Variants in ERCC8 observed in about 807,000 individuals in gnomAD.
ERCC8 encodes ERCC excision repair 8, CSA ubiquitin ligase complex subunit, also known as DNA excision repair protein ERCC-8.
In ERCC8, 52 loss-of-function variants were observed where a neutral mutation model predicts 54.9. That is an observed-to-expected ratio of 0.95 (90% CI 0.76 to 1.19). ERCC8 has a LOEUF of 1.19. ERCC8 is among the 50% of genes most tolerant of loss of function. The pLI is 0.00. For missense variants in ERCC8, 514 were observed against 466.1 expected, an observed-to-expected ratio of 1.10 and a Z score of -0.95; for synonymous variants, 146 against 157.2, an observed-to-expected ratio of 0.93 and a Z score of 0.53.
intron 1 of ERCC8, among the ~76,000 whole-genome samples, chr5:60,938,144 C>T (rs1750145922): frequency 7.0e-6 from 1 of 142,948 alleles, no homozygotes; most frequent in Non-Finnish European, 1.5e-5. Flanking sequence ...TCTCTGGGTC[C>T]CCTAAGTTGT....
Position 60,867,843 on chromosome 5 carries a change from C to G in ERCC8, c.*6772G>C, listed in dbSNP as rs6449507. Among the ~76,000 whole-genome samples the G allele has an allele frequency of 0.85, 129,679 of 152,242 alleles. 55,690 individuals carry two copies. Among genetic ancestry groups the G allele is most frequent in the African/African-American group, 0.96 (39,742 of 41,552 alleles). ...AATGGATGAAATGAACAAAAGAAAA[C>G]TGGCTTGTGCCAGTCACCTGAGCCA... On this transcript the variant is annotated 3_prime_UTR_variant, in exon 12 of 12. Transcript: ENST00000676185.
In ERCC8 at chr5:60,887,488, A is replaced by C; in HGVS notation, c.1074T>G (p.Ile358Met). 6.2e-7 allele frequency: 1 copy of C among 1,614,032 alleles called. No homozygotes were observed. Among genetic ancestry groups the C allele is most frequent in the Non-Finnish European group, 8.5e-7 (1 of 1,179,910 alleles). ...ELYSGSRDCN[I>M]LAWVPSLYEP... ...CATATAAGGATGGAACCCAAGCCAG[A>C]ATGTTGCAGTCTCTGCTACCACTAT... The change falls in exon 11 of 12, where the codon ATT becomes ATG. Residue 358 changes from isoleucine (I) to methionine (M), a missense_variant. Physicochemically the swap from Ile to Met is conservative, Grantham distance 10. Transcript: ENST00000676185.
rs752133856 is a variant in ERCC8, at chr5:60,867,575, T to G, written c.*7040A>C. On this transcript the variant is annotated 3_prime_UTR_variant, in exon 12 of 12. Transcript: ENST00000676185. ...ACCATTAGAATATTACAATAAAAGT[T>G]AATAACTCAGTTCTCAAAGACTTAT... is the stretch of plus-strand genomic sequence containing the variant. Among the ~76,000 whole-genome samples the G allele has an allele frequency of 2.0e-5, 3 of 152,228 alleles. No homozygotes were observed. The highest frequency in any genetic ancestry group is 2.9e-5 in the Non-Finnish European group (2 of 68,038).
At chr5:60,906,109 A>G (rs1488720168) in intron 4 of ERCC8, among the ~76,000 whole-genome samples, 2 of 152,092 alleles carry the variant, frequency 1.3e-5, no homozygotes, top group African/African-American at 4.8e-5. Flanking sequence ...GTAATTGGGG[A>G]AGTTATATAT....
At chr5:60,928,807 G>C (rs1455381403) in intron 2 of ERCC8, 57 bp downstream of exon 2, 10 of 949,532 alleles carry the variant, frequency 1.1e-5, no homozygotes, top group Non-Finnish European at 1.7e-5. Flanking sequence ...TGAAAAAGCA[G>C]GTTTTACTGC....
intron 8 of ERCC8, among the ~76,000 whole-genome samples, chr5:60,898,972 A>G (rs906429310): frequency 2.0e-5 from 3 of 151,330 alleles, no homozygotes; most frequent in African/African-American, 7.3e-5. Context: ...TATAAATTCT[A>G]ATATATGAAA....
chr5:60,929,111 T>G, intron 1 of ERCC8, 152 bp from the exon 2 acceptor site: 1 of 594,450 alleles, frequency 1.7e-6, no homozygotes, highest in South Asian at 2.3e-5. Flanking sequence ...TTTAGACATC[T>G]TGTATAAATG....
At chr5:60,915,363 T>C (rs1437355513) in intron 4 of ERCC8, 2 of 152,038 alleles carry the variant, frequency 1.3e-5, no homozygotes, top group Admixed American at 6.6e-5. Context: ...AATCTCTCTT[T>C]TGCAGGTAGG....
intron 9 of ERCC8, among the ~76,000 whole-genome samples, chr5:60,895,453 C>T (rs1259491929): frequency 6.6e-6 from 1 of 151,904 alleles, no homozygotes; most frequent in African/African-American, 2.4e-5. Context: ...TTTTTTGCCC[C>T]TTATGAATAA....
intron 1 of ERCC8, among the ~76,000 whole-genome samples, chr5:60,943,895 A>C (rs1750342620): frequency 6.6e-6 from 1 of 152,226 alleles, no homozygotes. Context: ...ACATTAAAGG[A>C]ACTCTCAGAG....
At chr5:60,909,855 G>A (rs1451461385) in intron 4 of ERCC8, 1 of 152,120 alleles carries the variant, frequency 6.6e-6, no homozygotes, top group East Asian at 1.9e-4. Context: ...TCGGGAGGCT[G>A]AGGCAGGAGA....
rs1209944210 is a variant in ERCC8, at chr5:60,872,197, A to G, written c.*2418T>C. Among the ~76,000 whole-genome samples, 2 of 152,198 alleles carry G rather than the reference A, an allele frequency of 1.3e-5. No individual in the cohort carries two copies. Among genetic ancestry groups the G allele is most frequent in the Non-Finnish European group, 2.9e-5 (2 of 68,042 alleles). ...GGGCTTAATAAATCAATGATTTGAAACTATCAGAAGAAAACATGGAGAAAA... is the reference window on the plus strand; with the variant it reads ...GGGCTTAATAAATCAATGATTTGAAGCTATCAGAAGAAAACATGGAGAAAA... On this transcript the variant is annotated 3_prime_UTR_variant, in exon 12 of 12. Coordinates refer to ENST00000676185, the MANE Select transcript of ERCC8 (RefSeq NM_000082.4).
chr5:60,882,996 CACACACACAT>C (rs1325469747), intron 11 of ERCC8, among the ~76,000 whole-genome samples: 3 of 151,506 alleles, frequency 2.0e-5, no homozygotes, highest in Non-Finnish European at 4.4e-5. Context: ...CACACACACA[CACACACACAT>C]GTCTGTAGGT....
intron 4 of ERCC8, among the ~76,000 whole-genome samples, chr5:60,906,314 G>A (rs1277834273): frequency 1.3e-5 from 2 of 152,002 alleles, no homozygotes; most frequent in African/African-American, 2.4e-5. Flanking sequence ...GGGATTACAG[G>A]TGTGAGCCAC....
chr5:60,891,071 C>G lies in ERCC8; in HGVS notation c.859G>C (p.Val287Leu), dbSNP rs1167712385. The G allele has an allele frequency of 6.2e-7, 1 of 1,609,194 alleles. No individual in the cohort carries two copies. The highest frequency in any genetic ancestry group is 1.1e-5 in the South Asian group (1 of 90,944). The change falls in exon 10 of 12, where the codon GTT becomes CTT. Residue 287 changes from valine (V) to leucine (L), a missense_variant. By Grantham distance (32) the Val-to-Leu change is conservative. Coordinates refer to ENST00000676185, the MANE Select transcript of ERCC8 (RefSeq NM_000082.4). ...GENTLVNYGK[V>L]CNNSKKGLKF... ...AATCCTTTTTTACTGTTATTACAAA[C>G]TTTTCCATAGTTCACCTGTAGGATT...
chr5:60,908,593 T>TA (rs1749151461), intron 4 of ERCC8, among the ~76,000 whole-genome samples: 4 of 148,916 alleles, frequency 2.7e-5, no homozygotes, highest in African/African-American at 9.8e-5. Context: ...ATTTTTTTTT[T>TA]AAATAATGGC....
intron 9 of ERCC8, chr5:60,892,973 T>C: frequency 1.3e-6 from 1 of 767,020 alleles, no homozygotes; most frequent in South Asian, 1.4e-5. Flanking sequence ...GGTTTTCAGC[T>C]CCAAAGCTGA....
chr5:60,905,862 TG>T (rs1749054944), intron 4 of ERCC8, among the ~76,000 whole-genome samples: 2 of 152,120 alleles, frequency 1.3e-5, no homozygotes, highest in South Asian at 4.2e-4. Flanking sequence ...AAAGGTAGTT[TG>T]GGGGAAGGGG....
At chr5:60,926,153 TAC>T (rs1335490880) in intron 2 of ERCC8, among the ~76,000 whole-genome samples, 2 of 152,178 alleles carry the variant, frequency 1.3e-5, no homozygotes, top group East Asian at 3.8e-4. Context: ...GCACCCAAAC[TAC>T]AGTTTTTGGC....
Sources: allele counts gnomAD v4.1 joint callset (sites outside exome capture counted in the v4.1 genomes callset), GRCh38; gene constraint gnomAD v4.1.1; transcripts MANE v1.5; gene names NCBI Gene and HGNC (gene_info 2026-07-23, HGNC 2026-07-21).